The following PTPRK variants were observed in gnomAD, a reference collection of about 807,000 sequenced individuals.
The protein encoded by PTPRK is protein tyrosine phosphatase receptor type K, also known as receptor-type tyrosine-protein phosphatase kappa.
Under a neutral mutation model 178.0 loss-of-function variants are expected in PTPRK, and 75 were observed. That is an observed-to-expected ratio of 0.42 (90% confidence interval 0.35 to 0.51). The LOEUF (loss-of-function observed/expected upper bound fraction) is 0.51. PTPRK is among the 20% of genes least tolerant of loss of function. PTPRK has a pLI of 0.02. For synonymous variants in PTPRK, 637 were observed against 620.6 expected, an observed-to-expected ratio of 1.03 and a Z score of -0.39; for missense variants, 1,441 against 1,797.8, an observed-to-expected ratio of 0.80 and a Z score of 3.59.
intron 1 of PTPRK, among the ~76,000 whole-genome samples, chr6:128,471,687 G>A (rs1043005556): frequency 6.7e-6 from 1 of 149,782 alleles, no homozygotes; most frequent in Non-Finnish European, 1.5e-5. Flanking sequence ...AATGGACCAG[G>A]CAAATGGACT....
chr6:128,162,973 CTTAATG>C (rs1354221637), intron 7 of PTPRK, among the ~76,000 whole-genome samples: 5 of 151,326 alleles, frequency 3.3e-5, no homozygotes, highest in African/African-American at 7.3e-5. Context: ...ATATATAATA[CTTAATG>C]TTAATGTTTA....
intron 1 of PTPRK, among the ~76,000 whole-genome samples, chr6:128,493,479 G>A (rs962947305): frequency 1.7e-4 from 26 of 151,486 alleles, no homozygotes; most frequent in African/African-American, 4.6e-4. Flanking sequence ...GGAGAATGGC[G>A]TGAACCCGGG....
At chr6:128,192,880 G>A (rs920278403) in intron 6 of PTPRK, among the ~76,000 whole-genome samples, 3 of 147,002 alleles carry the variant, frequency 2.0e-5, no homozygotes, top group Non-Finnish European at 4.5e-5. Flanking sequence ...GGGAGGGGAG[G>A]AGAGGGAGGA....
At position 128,018,955 on chromosome 6, in the gene PTPRK, C is replaced by T. The variant is rs1029684003; in HGVS notation, c.2195-9687G>A. Among the ~76,000 whole-genome samples the T allele has an allele frequency of 9.2e-5, 14 of 151,972 alleles. 1 individual carries two copies. The highest frequency in any genetic ancestry group is 3.3e-4 in the Admixed American group (5 of 15,238). ...GAACAAGTGTTCTTCCTTTAGAGAGCGTATAAACTAGAAGAAGAATATGGT... is the reference window on the plus strand; with the variant it reads ...GAACAAGTGTTCTTCCTTTAGAGAGTGTATAAACTAGAAGAAGAATATGGT... On this transcript the variant is annotated intron_variant, in intron 13 of 29. Coordinates refer to ENST00000368226, the MANE Select transcript of PTPRK (RefSeq NM_002844.4).
intron 2 of PTPRK, among the ~76,000 whole-genome samples, chr6:128,392,573 G>A (rs1282674897): frequency 6.6e-6 from 1 of 152,142 alleles, no homozygotes; most frequent in Non-Finnish European, 1.5e-5. Context: ...TTTATTTCAT[G>A]AGGTCATAAG....
intron 2 of PTPRK, among the ~76,000 whole-genome samples, chr6:128,368,861 C>A (rs1214539550): frequency 6.6e-6 from 1 of 151,868 alleles, no homozygotes; most frequent in Non-Finnish European, 1.5e-5. Flanking sequence ...ATTCAGGCAC[C>A]AGGAAGTCTT....
At chr6:128,262,437 T>C (rs1466235551) in intron 3 of PTPRK, among the ~76,000 whole-genome samples, 2 of 152,182 alleles carry the variant, frequency 1.3e-5, no homozygotes, top group African/African-American at 4.8e-5. Flanking sequence ...TTTTGTTTTC[T>C]AGAAATGAGT....
chr6:128,125,551 T>A (rs987609973), intron 7 of PTPRK, among the ~76,000 whole-genome samples: 1 of 151,858 alleles, frequency 6.6e-6, no homozygotes, highest in East Asian at 1.9e-4. Flanking sequence ...GTCTTGAGTG[T>A]TTCTTTATAG....
intron 5 of PTPRK, chr6:128,238,185 C>CAAAAAAAAAAAAAAAAAAG: frequency 9.8e-6 from 2 of 203,784 alleles, no homozygotes; most frequent in South Asian, 2.9e-5. Context: ...TAGCAAACGC[C>CAAAAAAAAAAAAAAAAAAG]AAAAAAAAAA....
rs148777046 is a variant in PTPRK at position 128,256,092 on chromosome 6, G to A, written c.496-13490C>T. 5.9e-5 allele frequency among the ~76,000 whole-genome samples: 9 copies of A among 152,312 alleles called. No individual in the cohort carries two copies. The East Asian group carries it at 1.7e-3, about 29-fold the overall frequency. ...TTGCTGGACTAATATCTGACAGAAA[G>A]AAATACCTAATTTTTGGTCCCTGTC... On this transcript the variant is annotated intron_variant, in intron 3 of 29. Transcript: ENST00000368226.
At chr6:128,087,537 T>A (rs1159997321) in intron 8 of PTPRK, among the ~76,000 whole-genome samples, 1 of 152,162 alleles carries the variant, frequency 6.6e-6, no homozygotes, top group African/African-American at 2.4e-5. Context: ...CTTTCTTGCA[T>A]AAATATGCAT....
chr6:128,098,586 C>T (rs1340965282), intron 7 of PTPRK, among the ~76,000 whole-genome samples: 5 of 152,080 alleles, frequency 3.3e-5, no homozygotes, highest in Admixed American at 6.6e-5. Context: ...ATAATTAATA[C>T]GTGCCTGCTC....
In PTPRK at chr6:128,313,704, G is replaced by C. The variant is rs571811661; in HGVS notation, c.495+8335C>G. On this transcript the variant is annotated intron_variant, in intron 3 of 29. Transcript: ENST00000368226. ...TTTAAAGGAAACACTGGCAAAATCT[G>C]AGGAGCTCAATATCAGCAAATTAGC... 2.1e-4 allele frequency among the ~76,000 whole-genome samples: 32 copies of C among 152,264 alleles called. No individual in the cohort carries two copies. The South Asian group carries it at 3.5e-3, about 17-fold the overall frequency.
intron 5 of PTPRK, among the ~76,000 whole-genome samples, chr6:128,223,957 A>C (rs1369323740): frequency 6.6e-6 from 1 of 152,196 alleles, no homozygotes; most frequent in Admixed American, 6.5e-5. Context: ...CCAATGGGCT[A>C]ATATAATCTA....
chr6:128,091,301 A>T (rs1786903728), intron 7 of PTPRK, among the ~76,000 whole-genome samples: 1 of 152,206 alleles, frequency 6.6e-6, no homozygotes, highest in Non-Finnish European at 1.5e-5. Context: ...GGTTGGAAGA[A>T]AGACGAGGCT....
At chr6:128,231,839 T>C (rs1279376555) in intron 5 of PTPRK, among the ~76,000 whole-genome samples, 2 of 151,912 alleles carry the variant, frequency 1.3e-5, no homozygotes, top group African/African-American at 4.8e-5. Context: ...TCTGAGAAAA[T>C]GTACAAAGCT....
chr6:128,091,942 T>C (rs1408956113), intron 7 of PTPRK, among the ~76,000 whole-genome samples: 1 of 152,176 alleles, frequency 6.6e-6, no homozygotes, highest in Non-Finnish European at 1.5e-5. Context: ...TTCTTACATA[T>C]CTAAGAGTGG....
intron 3 of PTPRK, among the ~76,000 whole-genome samples, chr6:128,310,908 T>G (rs1827149618): frequency 6.6e-6 from 1 of 151,994 alleles, no homozygotes; most frequent in South Asian, 2.1e-4. Flanking sequence ...AAATAAAGGA[T>G]TAGAACACCC....
intron 5 of PTPRK, among the ~76,000 whole-genome samples, chr6:128,220,243 G>A (rs11962916): frequency 0.052 from 7,973 of 152,004 alleles, 513 homozygotes; most frequent in African/African-American, 0.15. Flanking sequence ...GCCAGAATAC[G>A]TAAAGATCTT....
Sources: gnomAD v4.1 joint callset for allele counts (sites outside exome capture counted in the v4.1 genomes callset) on GRCh38, gnomAD v4.1.1 for gene constraint, MANE v1.5 for transcripts, NCBI Gene and HGNC (gene_info 2026-07-23, HGNC 2026-07-21) for gene names.